The following CENPP variants were observed in gnomAD, a reference collection of about 807,000 sequenced individuals.
CENPP encodes centromere protein P.
A neutral mutation model predicts 35.6 loss-of-function variants in CENPP; 24 were observed. The ratio of observed to expected loss-of-function variants is 0.67; its 90% CI spans 0.49 to 0.95. The LOEUF is 0.95. Among genes scored for constraint, CENPP ranks in the 40% least tolerant of loss-of-function variants. The probability of loss-of-function intolerance (pLI) is 0.00; values close to 1 mark genes in which losing one functional copy is unlikely to be tolerated. For synonymous variants in CENPP, 120 were observed against 125.5 expected, an observed-to-expected ratio of 0.96 and a Z score of 0.29; for missense variants, 332 against 345.3, an observed-to-expected ratio of 0.96 and a Z score of 0.31.
At chr9:92,522,526 C>G in intron 5 of CENPP, 2 of 1,488,728 alleles carry the variant, frequency 1.3e-6, no homozygotes, top group Non-Finnish European at 1.8e-6. Context: ...CCCATACCAT[C>G]TCTCACCCTC....
intron 5 of CENPP, among the ~76,000 whole-genome samples, chr9:92,606,194 A>G (rs1454058037): frequency 1.3e-5 from 2 of 152,128 alleles, no homozygotes; most frequent in East Asian, 1.9e-4. Context: ...CCTGGGAGGT[A>G]GAGATTGCAG....
At chr9:92,362,574 G>A (rs1410458651) in intron 4 of CENPP, among the ~76,000 whole-genome samples, 1 of 152,196 alleles carries the variant, frequency 6.6e-6, no homozygotes, top group East Asian at 1.9e-4. Context: ...CAATGAAACT[G>A]TTGTATTTCT....
chr9:92,451,288 G>C (rs1844702132), intron 5 of CENPP, among the ~76,000 whole-genome samples: 1 of 149,426 alleles, frequency 6.7e-6, no homozygotes, highest in African/African-American at 2.5e-5. Context: ...GTGTAAGGAA[G>C]GGATCCAGTT....
chr9:92,604,702 C>G (rs561388560), intron 5 of CENPP, among the ~76,000 whole-genome samples: 2 of 152,154 alleles, frequency 1.3e-5, no homozygotes, highest in African/African-American at 4.8e-5. Context: ...TCAAGCAATT[C>G]TCCTGCCTCA....
intron 7 of CENPP, 125 bp downstream of exon 7, chr9:92,612,739 C>A: frequency 1.3e-6 from 1 of 745,758 alleles, no homozygotes; most frequent in South Asian, 1.7e-5. Flanking sequence ...TGTACTTTGT[C>A]TATCAATTTT....
At chr9:92,489,870 C>T (rs12341817) in intron 5 of CENPP, among the ~76,000 whole-genome samples, 56,098 of 152,124 alleles carry the variant, frequency 0.37, 12,643 homozygotes, top group African/African-American at 0.63. Flanking sequence ...TGGACCCCCA[C>T]TGGCCCACAG....
At chr9:92,502,364 G>T (rs1458668131) in intron 5 of CENPP, 4 of 958,914 alleles carry the variant, frequency 4.2e-6, no homozygotes, top group Admixed American at 2.7e-5. Flanking sequence ...TGGGGATAGG[G>T]TAAGGGTTCA....
At chr9:92,356,690 A>G (rs1028026477) in intron 4 of CENPP, among the ~76,000 whole-genome samples, 3 of 152,258 alleles carry the variant, frequency 2.0e-5, no homozygotes, top group Admixed American at 2.0e-4. Context: ...AGACAGGTGT[A>G]AGAAATTATA....
intron 5 of CENPP, chr9:92,500,701 A>T: frequency 6.3e-7 from 1 of 1,586,696 alleles, no homozygotes; most frequent in Non-Finnish European, 8.6e-7. Flanking sequence ...AAATTTAAAC[A>T]GATACTTGAA....
At chr9:92,578,218 G>C (rs981286883) in intron 5 of CENPP, among the ~76,000 whole-genome samples, 1 of 152,084 alleles carries the variant, frequency 6.6e-6, no homozygotes, top group East Asian at 1.9e-4. Flanking sequence ...ATTTGGGTTG[G>C]TTCCAAGTCT....
rs1360716961 is a variant in CENPP at position 92,619,676 on chromosome 9, G to A, written c.*6527G>A. The A allele has an allele frequency of 5.9e-6, 6 of 1,014,358 alleles. No homozygotes were observed. Among genetic ancestry groups the A allele is most frequent in the African/African-American group, 1.6e-5 (1 of 63,116 alleles). The allele number at this position is 1,014,358 out of a possible 1,614,324, so 62.8% of individuals were successfully genotyped here. On this transcript the variant is annotated 3_prime_UTR_variant, in exon 8 of 8. Coordinates refer to ENST00000375587, the MANE Select transcript of CENPP (RefSeq NM_001012267.3). Reference sequence around the variant, plus strand: ...GGAACTGCTTCCTGCCTCAGAACCTGAGGGTGGGATTAGGAGCGAGGGCCA... The same window carrying A: ...GGAACTGCTTCCTGCCTCAGAACCTAAGGGTGGGATTAGGAGCGAGGGCCA...
chr9:92,592,780 T>C (rs1291336139), intron 5 of CENPP, among the ~76,000 whole-genome samples: 1 of 152,242 alleles, frequency 6.6e-6, no homozygotes, highest in Non-Finnish European at 1.5e-5. Flanking sequence ...GTTTTGTTAG[T>C]CATTTTTAGC....
chr9:92,552,218 C>CT (rs1849632537), intron 5 of CENPP, among the ~76,000 whole-genome samples: 1 of 149,978 alleles, frequency 6.7e-6, no homozygotes, highest in East Asian at 2.0e-4. Context: ...CACACACACC[C>CT]CACAGTTTCT....
At chr9:92,566,402 C>A (rs1849969615) in intron 5 of CENPP, among the ~76,000 whole-genome samples, 1 of 151,618 alleles carries the variant, frequency 6.6e-6, no homozygotes, top group Non-Finnish European at 1.5e-5. Flanking sequence ...TGAAGAAGAC[C>A]TAATGGCAGA....
At position 92,534,476 on chromosome 9, in the gene CENPP, A is replaced by AT. The variant is rs1357123957; in HGVS notation, c.565-76837dup. ...CAGCATACAAACCTTTCTTCAGCGT[A>AT]TATATACATTAATTGCCACAGTCAT... is the stretch of plus-strand genomic sequence containing the variant. On this transcript the variant is annotated intron_variant, in intron 5 of 7. Transcript: ENST00000375587. 2.6e-5 allele frequency among the ~76,000 whole-genome samples: 4 copies of AT among 152,202 alleles called. 1 individual carries two copies. The East Asian group carries it at 7.7e-4, about 29-fold the overall frequency.
chr9:92,505,821 A>G, intron 5 of CENPP: 1 of 695,136 alleles, frequency 1.4e-6, no homozygotes, highest in Non-Finnish European at 2.4e-6. Context: ...AAACCTTTGT[A>G]TCCTCCTATA....
chr9:92,480,732 C>T (rs1845882957), intron 5 of CENPP, among the ~76,000 whole-genome samples: 1 of 152,270 alleles, frequency 6.6e-6, no homozygotes, highest in South Asian at 2.1e-4. Flanking sequence ...AACTTTTCCC[C>T]TGGGTTTAAA....
chr9:92,607,212 CAT>C (rs1851106463), intron 5 of CENPP, among the ~76,000 whole-genome samples: 2 of 150,828 alleles, frequency 1.3e-5, no homozygotes, highest in South Asian at 2.1e-4. Context: ...TTTTTTTTAT[CAT>C]GTGAATATCC....
At chr9:92,436,728 A>C (rs936901579) in intron 5 of CENPP, among the ~76,000 whole-genome samples, 1 of 152,084 alleles carries the variant, frequency 6.6e-6, no homozygotes, top group African/African-American at 2.4e-5. Flanking sequence ...TTTCAGTTCT[A>C]TTTATTTATA....
Sources: gnomAD v4.1 joint callset for allele counts (sites outside exome capture counted in the v4.1 genomes callset) on GRCh38, gnomAD v4.1.1 for gene constraint, MANE v1.5 for transcripts, NCBI Gene and HGNC (gene_info 2026-07-23, HGNC 2026-07-21) for gene names.